Variants in MYO1D observed in about 807,000 individuals in gnomAD.
MYO1D encodes myosin ID, also known as unconventional myosin-Id.
MYO1D carries 83 observed loss-of-function variants against 122.0 expected under a neutral mutation model. That is an observed-to-expected ratio of 0.68 (90% CI 0.57 to 0.82). The LOEUF (loss-of-function observed/expected upper bound fraction) is 0.82, where lower values mean the gene tolerates loss of function less well. MYO1D is among the 40% of genes least tolerant of loss of function. The probability of loss-of-function intolerance (pLI) is 0.00; values close to 1 mark genes in which losing one functional copy is unlikely to be tolerated. For missense variants in MYO1D, 1,157 were observed against 1,269.5 expected (o/e 0.91, Z 1.35); for synonymous variants, 464 against 446.9 (o/e 1.04, Z -0.48).
chr17:32,509,548 A>G (rs1909610755), intron 21 of MYO1D, among the ~76,000 whole-genome samples: 1 of 152,094 alleles, frequency 6.6e-6, no homozygotes, highest in African/African-American at 2.4e-5. Flanking sequence ...CAGATTTCTC[A>G]GTAATAGCTT....
chr17:32,522,740 G>A (rs1431031635), intron 21 of MYO1D, among the ~76,000 whole-genome samples: 2 of 152,112 alleles, frequency 1.3e-5, no homozygotes, highest in Non-Finnish European at 2.9e-5. Context: ...ACCCACTGAG[G>A]AGGGCCAGTG....
chr17:32,835,295 C>G (rs2090812375), intron 1 of MYO1D, among the ~76,000 whole-genome samples: 1 of 152,096 alleles, frequency 6.6e-6, no homozygotes, highest in African/African-American at 2.4e-5. Flanking sequence ...AAGCTCTCTC[C>G]TATTCCCTGC....
intron 16 of MYO1D, among the ~76,000 whole-genome samples, chr17:32,710,560 A>C (rs1261275088): frequency 1.3e-5 from 2 of 152,196 alleles, no homozygotes; most frequent in African/African-American, 4.8e-5. Flanking sequence ...ATTCCAAATC[A>C]CTAACTATAA....
chr17:32,521,309 C>T (rs1414141785), intron 21 of MYO1D, among the ~76,000 whole-genome samples: 3 of 152,028 alleles, frequency 2.0e-5, no homozygotes, highest in African/African-American at 7.3e-5. Context: ...AGAGAAGGCT[C>T]AAAAAACGCA....
intron 21 of MYO1D, among the ~76,000 whole-genome samples, chr17:32,568,918 T>C (rs746667740): frequency 2.0e-5 from 3 of 152,214 alleles, no homozygotes; most frequent in Admixed American, 1.3e-4. Context: ...ACAGTCATCA[T>C]TTGTTTTTAT....
At chr17:32,596,037 G>A (rs573286560) in intron 21 of MYO1D, among the ~76,000 whole-genome samples, 1 of 152,216 alleles carries the variant, frequency 6.6e-6, no homozygotes, top group East Asian at 1.9e-4. Context: ...GTGTTTTCAC[G>A]TGTATCTCTA....
intron 14 of MYO1D, among the ~76,000 whole-genome samples, chr17:32,724,255 T>G (rs2089545519): frequency 6.6e-6 from 1 of 152,194 alleles, no homozygotes. Context: ...ATCTGCATGT[T>G]TGGCACCAGT....
chr17:32,535,624 A>G (rs887070810), intron 21 of MYO1D, among the ~76,000 whole-genome samples: 2 of 152,112 alleles, frequency 1.3e-5, no homozygotes, highest in African/African-American at 4.8e-5. Context: ...GGTGGTGGGC[A>G]CCTGTAATCC....
intron 20 of MYO1D, among the ~76,000 whole-genome samples, chr17:32,611,440 A>C (rs1197380817): frequency 1.3e-5 from 2 of 150,540 alleles, no homozygotes; most frequent in African/African-American, 2.5e-5. Context: ...AGCCCAGAGA[A>C]GTTTTAGACC....
At chr17:32,798,315 AT>A (rs1244462603) in intron 1 of MYO1D, among the ~76,000 whole-genome samples, 1 of 152,244 alleles carries the variant, frequency 6.6e-6, no homozygotes, top group Non-Finnish European at 1.5e-5. Flanking sequence ...TGTAACATCC[AT>A]AAGGCTGCAT....
chr17:32,633,521 T>C (rs2088051837), intron 20 of MYO1D, among the ~76,000 whole-genome samples: 1 of 152,156 alleles, frequency 6.6e-6, no homozygotes, highest in Admixed American at 6.5e-5. Flanking sequence ...CCTTCATAGA[T>C]AGCTTGCTTT....
At chr17:32,855,723 T>C (rs1421725880) in intron 1 of MYO1D, among the ~76,000 whole-genome samples, 1 of 152,210 alleles carries the variant, frequency 6.6e-6, no homozygotes, top group Non-Finnish European at 1.5e-5. Flanking sequence ...AAAAAATCTT[T>C]GGCAACTATT....
chr17:32,849,533 G>C (rs2090967322), intron 1 of MYO1D, among the ~76,000 whole-genome samples: 1 of 151,140 alleles, frequency 6.6e-6, no homozygotes, highest in Non-Finnish European at 1.5e-5. Context: ...GATGAAACTG[G>C]AAATCATCAT....
chr17:32,509,789 A>G (rs996788075), intron 21 of MYO1D, among the ~76,000 whole-genome samples: 1 of 151,986 alleles, frequency 6.6e-6, no homozygotes, highest in Non-Finnish European at 1.5e-5. Context: ...GGGTTTCACC[A>G]TGTTGGCCAG....
chr17:32,603,976 G>T (rs2087595201), intron 21 of MYO1D, among the ~76,000 whole-genome samples: 1 of 151,790 alleles, frequency 6.6e-6, no homozygotes, highest in African/African-American at 2.4e-5. Flanking sequence ...TTTACTTACA[G>T]CATGTAAAAG....
chr17:32,618,764 A>G (rs2087813050), intron 20 of MYO1D, among the ~76,000 whole-genome samples: 1 of 151,664 alleles, frequency 6.6e-6, no homozygotes, highest in Non-Finnish European at 1.5e-5. Context: ...CCTCCCGAGT[A>G]GCTGGGATTA....
intron 21 of MYO1D, among the ~76,000 whole-genome samples, chr17:32,523,107 G>A (rs1052090694): frequency 4.6e-5 from 7 of 152,168 alleles, no homozygotes; most frequent in African/African-American, 1.2e-4. Context: ...GAGCAACCAC[G>A]CCTGGCCCCC....
chr17:32,552,901 A>G (rs765089012), intron 21 of MYO1D, among the ~76,000 whole-genome samples: 8 of 152,162 alleles, frequency 5.3e-5, no homozygotes, highest in Non-Finnish European at 1.2e-4. Context: ...GAATGACAGC[A>G]TGAAAAACAG....
Position 32,539,139 on chromosome 17 carries a change from T to A in MYO1D, c.2865-44224A>T, listed in dbSNP as rs1910755913. 2.6e-5 allele frequency among the ~76,000 whole-genome samples: 4 copies of A among 152,206 alleles called. No homozygotes were observed. In the South Asian group the frequency reaches 8.3e-4, roughly 32 times the overall value. ...AATAAATAAATAAAATAGATGATGTTCAAATATGACTTTTTTTAAAGGCCT... is the reference window on the plus strand; with the variant it reads ...AATAAATAAATAAAATAGATGATGTACAAATATGACTTTTTTTAAAGGCCT... On this transcript the variant is annotated intron_variant, in intron 21 of 21. Coordinates refer to ENST00000318217, the MANE Select transcript of MYO1D (RefSeq NM_015194.3).
Sources: allele counts gnomAD v4.1 joint callset (sites outside exome capture counted in the v4.1 genomes callset), GRCh38; gene constraint gnomAD v4.1.1; transcripts MANE v1.5; gene names NCBI Gene and HGNC (gene_info 2026-07-23, HGNC 2026-07-21).